CELF2: variants seen among roughly 807,000 people sequenced by gnomAD.
The protein encoded by CELF2 is CUG triplet repeat RNA-binding protein 2.
Under a neutral mutation model 62.6 loss-of-function variants are expected in CELF2, and 8 were observed. The observed-to-expected ratio is 0.13, with a 90% CI of 0.07 to 0.23. CELF2 has a LOEUF of 0.23. CELF2 is among the 10% of genes least tolerant of loss of function. CELF2 has a pLI of 1.00. For missense variants in CELF2, 333 were observed against 671.0 expected (o/e 0.50, Z 5.56); for synonymous variants, 258 against 250.0 (o/e 1.03, Z -0.30).
chr10:10,825,098 A>G (rs1419227401), intron 1 of CELF2, among the ~76,000 whole-genome samples: 2 of 152,202 alleles, frequency 1.3e-5, no homozygotes, highest in Admixed American at 6.5e-5. Flanking sequence ...ATTGATGTTT[A>G]TTTGGAGATG....
chr10:10,843,902 A>AT (rs1050762648), intron 1 of CELF2, among the ~76,000 whole-genome samples: 1 of 151,810 alleles, frequency 6.6e-6, no homozygotes, highest in Non-Finnish European at 1.5e-5. Context: ...AATTACTAAG[A>AT]TTTTTTTTCA....
At chr10:10,800,719 A>C (rs577172646) in intron 1 of CELF2, among the ~76,000 whole-genome samples, 1 of 152,204 alleles carries the variant, frequency 6.6e-6, no homozygotes. Context: ...TTCTTGATGA[A>C]AGCTACATTT....
intron 4 of CELF2, among the ~76,000 whole-genome samples, chr10:11,253,493 T>G (rs992430418): frequency 6.6e-6 from 1 of 152,188 alleles, no homozygotes; most frequent in African/African-American, 2.4e-5. Context: ...GAAATAATTT[T>G]GAAATTCAAA....
At chr10:10,577,828 A>G in the CELF2 span, among the ~76,000 whole-genome samples, 13 of 152,114 alleles carry the variant, frequency 8.5e-5, no homozygotes, top group East Asian at 1.9e-4. Context: ...ATACGTGTGC[A>G]TGTGTCTTTA....
intron 2 of CELF2, among the ~76,000 whole-genome samples, chr10:10,962,564 A>G (rs1251648972): frequency 6.6e-6 from 1 of 152,176 alleles, no homozygotes; most frequent in Non-Finnish European, 1.5e-5. Flanking sequence ...CTCTACAAAT[A>G]AAAAATATTA....
At chr10:10,635,780 G>A in the CELF2 span, among the ~76,000 whole-genome samples, 543 of 152,214 alleles carry the variant, frequency 3.6e-3, 2 homozygotes, top group African/African-American at 0.013. Flanking sequence ...AAGGTTTTTA[G>A]GCATTATTTC....
chr10:10,465,604 G>T, the CELF2 span, among the ~76,000 whole-genome samples: 1 of 152,092 alleles, frequency 6.6e-6, no homozygotes, highest in Non-Finnish European at 1.5e-5. Flanking sequence ...AGCGCTGAAT[G>T]GGGTGTCAGG....
At chr10:10,677,177 T>C in the CELF2 span, among the ~76,000 whole-genome samples, 1 of 152,198 alleles carries the variant, frequency 6.6e-6, no homozygotes, top group Non-Finnish European at 1.5e-5. Context: ...TACAGGATGT[T>C]AATAAAATAC....
the CELF2 span, among the ~76,000 whole-genome samples, chr10:10,603,991 T>G: frequency 7.9e-4 from 120 of 152,244 alleles, 2 homozygotes; most frequent in South Asian, 0.024. Flanking sequence ...GGAGGATCAC[T>G]TGAGGTCAGC....
chr10:10,579,575 AT>A, the CELF2 span, among the ~76,000 whole-genome samples: 10 of 152,160 alleles, frequency 6.6e-5, no homozygotes, highest in Non-Finnish European at 1.2e-4. Context: ...ATAAATACAT[AT>A]TTGTGGCCTA....
At chr10:10,724,865 A>G in the CELF2 span, among the ~76,000 whole-genome samples, 1 of 152,094 alleles carries the variant, frequency 6.6e-6, no homozygotes, top group Non-Finnish European at 1.5e-5. Context: ...TGATTTAATG[A>G]TTGTATCTGT....
the CELF2 span, among the ~76,000 whole-genome samples, chr10:10,662,666 T>A: frequency 1.8e-3 from 272 of 151,730 alleles, 1 homozygote; most frequent in Middle Eastern, 3.4e-3. Flanking sequence ...GTGATGTCTT[T>A]CTTTAAGGAA....
intron 1 of CELF2, among the ~76,000 whole-genome samples, chr10:10,844,024 G>A (rs764584789): frequency 2.6e-5 from 4 of 151,796 alleles, no homozygotes; most frequent in East Asian, 1.9e-4. Context: ...TTTGACCTCC[G>A]GGAATCTGTC....
chr10:11,305,497 C>T lies in CELF2; in HGVS notation c.977-8642C>T, dbSNP rs935027426. ...CACAGTTTGCCTGGGAGGATCCCAC[C>T]TGCAGTAAAATATCCGTCTGAAAGA... On this transcript the variant is annotated intron_variant, in intron 9 of 12. Transcript: ENST00000633077. This position sits in a 1 kb window ranked among gnomAD's most constrained non-coding sequence, Gnocchi z 4.8. Among the ~76,000 whole-genome samples, 6 of 152,244 alleles carry T rather than the reference C, an allele frequency of 3.9e-5. No individual in the cohort carries two copies. The highest frequency in any genetic ancestry group is 8.8e-5 in the Non-Finnish European group (6 of 68,048).
chr10:10,805,357 T>C (rs933545498), intron 1 of CELF2, among the ~76,000 whole-genome samples: 1 of 152,236 alleles, frequency 6.6e-6, no homozygotes, highest in Non-Finnish European at 1.5e-5. Flanking sequence ...AAGTGTGTTG[T>C]CTTTACTACA....
chr10:11,019,420 T>G (rs1358846391), intron 1 of CELF2, among the ~76,000 whole-genome samples: 1 of 152,156 alleles, frequency 6.6e-6, no homozygotes, highest in African/African-American at 2.4e-5. Flanking sequence ...TCTGGCACCT[T>G]ATGGTACTCT....
In CELF2 at chr10:11,285,222, T is replaced by C. The variant is rs1378875653; in HGVS notation, c.842-3196T>C. ...TTGGTTCTGACTAACTCTTCTTCTC[T>C]CCTTTTGTCCTCACATCCCTCAGAT... is the stretch of plus-strand genomic sequence containing the variant. On this transcript the variant is annotated intron_variant, in intron 8 of 12. Coordinates refer to ENST00000633077, the MANE Select transcript of CELF2 (RefSeq NM_001326342.2). This position sits in a 1 kb window ranked among gnomAD's most constrained non-coding sequence, Gnocchi z 4.3. 1.3e-5 allele frequency among the ~76,000 whole-genome samples: 2 copies of C among 152,054 alleles called. No homozygotes were observed. Among genetic ancestry groups the C allele is most frequent in the African/African-American group, 4.8e-5 (2 of 41,364 alleles).
chr10:10,745,130 AAAC>A, the CELF2 span, among the ~76,000 whole-genome samples: 20,881 of 136,696 alleles, frequency 0.15, 1,746 homozygotes, highest in Non-Finnish European at 0.19. Flanking sequence ...AAAAAAAACA[AAAC>A]AAAAAAAAAC....
chr10:10,736,396 C>CTTTCTTTCTTTCT, the CELF2 span, among the ~76,000 whole-genome samples: 9,094 of 75,080 alleles, frequency 0.12, 467 homozygotes, highest in African/African-American at 0.14. Context: ...TTCTTTCTTT[C>CTTTCTTTCTTTCT]TTTTTTTTTT....
Sources: gnomAD v4.1 joint callset for allele counts (sites outside exome capture counted in the v4.1 genomes callset) on GRCh38, gnomAD v4.1.1 for gene constraint, Gnocchi (gnomAD v3.1) non-coding constraint, MANE v1.5 for transcripts, NCBI Gene and HGNC (gene_info 2026-07-23, HGNC 2026-07-21) for gene names.